The following CTIF variants were observed in gnomAD, a reference collection of about 807,000 sequenced individuals.
The protein encoded by CTIF is cap binding complex dependent translation initiation factor.
In CTIF, 21 loss-of-function variants were observed where a neutral mutation model predicts 66.0. The ratio of observed to expected loss-of-function variants is 0.32; its 90% confidence interval spans 0.23 to 0.46. The LOEUF is 0.46. Among genes scored for constraint, CTIF ranks in the 20% least tolerant of loss-of-function variants. The pLI is 1.00. For missense variants in CTIF, 739 were observed against 812.7 expected (o/e 0.91, Z 1.10); for synonymous variants, 345 against 326.4 (o/e 1.06, Z -0.62).
Position 48,664,500 on chromosome 18 carries a change from G to A in CTIF, c.380G>A (p.Arg127His), listed in dbSNP as rs781346013. 8.7e-6 allele frequency: 14 copies of A among 1,613,228 alleles called. No homozygotes were observed. The Admixed American group carries it at 1.0e-4, about 12-fold the overall frequency. ...AAGCTGGACTTCACCCAGTTCCACC[G>A]CAAAGTCCGACACACGCCCAAGCAG... ...PEKLDFTQFH[R>H]KVRHTPKQPL... The change falls in exon 5 of 12, where the codon CGC (arginine) becomes CAC (histidine). Residue 127 changes from arginine (R) to histidine (H), a missense_variant. Arg to His is a conservative substitution (Grantham distance 29, BLOSUM62 0). This residue lies in a region of CTIF where 529 missense variants were observed against 520.3 expected (regional missense o/e 1.02). Transcript: ENST00000256413.
At chr18:48,794,903 G>A (rs1257460312) in intron 9 of CTIF, among the ~76,000 whole-genome samples, 9 of 152,142 alleles carry the variant, frequency 5.9e-5, no homozygotes, top group Admixed American at 5.9e-4. Context: ...GTGTGTGGAT[G>A]CATGGGTGAT....
At chr18:48,645,523 A>G (rs2091014512) in intron 3 of CTIF, among the ~76,000 whole-genome samples, 1 of 151,878 alleles carries the variant, frequency 6.6e-6, no homozygotes, top group Non-Finnish European at 1.5e-5. Context: ...AGGGGCTCCA[A>G]CCCCCTACCA....
intron 3 of CTIF, among the ~76,000 whole-genome samples, chr18:48,649,089 C>T (rs1266848225): frequency 6.6e-6 from 1 of 152,230 alleles, no homozygotes; most frequent in African/African-American, 2.4e-5. Flanking sequence ...CCTGGTTCAT[C>T]TCACTGGGAC....
At chr18:48,729,870 T>C (rs897105837) in intron 7 of CTIF, among the ~76,000 whole-genome samples, 2 of 152,156 alleles carry the variant, frequency 1.3e-5, no homozygotes, top group African/African-American at 4.8e-5. Context: ...GAGCACCCAG[T>C]GGTGGGACAG....
chr18:48,564,033 A>T (rs999799797), intron 1 of CTIF, among the ~76,000 whole-genome samples: 1 of 152,126 alleles, frequency 6.6e-6, no homozygotes, highest in African/African-American at 2.4e-5. Context: ...GCTGCTCTCT[A>T]TATGGCTGCT....
At chr18:48,602,840 TG>T (rs2090116713) in intron 1 of CTIF, among the ~76,000 whole-genome samples, 3 of 148,918 alleles carry the variant, frequency 2.0e-5, no homozygotes, top group African/African-American at 7.6e-5. Flanking sequence ...AATGGATGGA[TG>T]GATGGATGAA....
intron 9 of CTIF, among the ~76,000 whole-genome samples, chr18:48,797,577 C>G (rs1430307459): frequency 6.6e-6 from 1 of 150,944 alleles, no homozygotes; most frequent in African/African-American, 2.4e-5. Flanking sequence ...TGTGAGTTGA[C>G]TGGGGATTTG....
At chr18:48,594,530 G>A (rs528366293) in intron 1 of CTIF, among the ~76,000 whole-genome samples, 16 of 152,174 alleles carry the variant, frequency 1.1e-4, no homozygotes, top group South Asian at 2.1e-4. Context: ...TTAGGGCAGC[G>A]TAGGGATTTC....
At chr18:48,723,236 A>C (rs1022266757) in intron 7 of CTIF, among the ~76,000 whole-genome samples, 1 of 151,674 alleles carries the variant, frequency 6.6e-6, no homozygotes, top group African/African-American at 2.4e-5. Flanking sequence ...CACCTGATCA[A>C]CTCACATGCA....
intron 1 of CTIF, among the ~76,000 whole-genome samples, chr18:48,583,065 G>A (rs1223310728): frequency 6.6e-6 from 1 of 152,232 alleles, no homozygotes; most frequent in East Asian, 1.9e-4. Context: ...GGGGAGGGAG[G>A]AGGATGATGG....
At chr18:48,763,877 C>G (rs181724018) in intron 9 of CTIF, among the ~76,000 whole-genome samples, 22 of 152,278 alleles carry the variant, frequency 1.4e-4, no homozygotes, top group African/African-American at 4.1e-4. Context: ...TGAGTCCTCA[C>G]AAACCCACTC....
intron 6 of CTIF, among the ~76,000 whole-genome samples, chr18:48,704,101 G>A (rs1049497353): frequency 5.9e-5 from 9 of 152,134 alleles, no homozygotes; most frequent in African/African-American, 7.2e-5. Context: ...GGAGCATGGC[G>A]GAGCACCACG....
intron 10 of CTIF, among the ~76,000 whole-genome samples, chr18:48,823,841 A>G (rs1171507547): frequency 1.3e-5 from 2 of 152,334 alleles, no homozygotes; most frequent in Non-Finnish European, 2.9e-5. Context: ...CTCCTATTCA[A>G]CATAGTACTG....
intron 9 of CTIF, among the ~76,000 whole-genome samples, chr18:48,813,065 C>G (rs943723657): frequency 6.6e-6 from 1 of 151,702 alleles, no homozygotes; most frequent in Non-Finnish European, 1.5e-5. Context: ...CTATTCTGCT[C>G]TCTAGGTGGT....
At chr18:48,556,716 C>A (rs2089030919) in intron 1 of CTIF, among the ~76,000 whole-genome samples, 1 of 152,152 alleles carries the variant, frequency 6.6e-6, no homozygotes, top group African/African-American at 2.4e-5. Flanking sequence ...AGGCACGCAC[C>A]ACCACACCTG....
chr18:48,703,656 A>C (rs988167917), intron 6 of CTIF, among the ~76,000 whole-genome samples: 1 of 152,148 alleles, frequency 6.6e-6, no homozygotes, highest in Non-Finnish European at 1.5e-5. Context: ...TTTTCCTTGA[A>C]GGTTAAGTGG....
In CTIF at chr18:48,787,905, G is replaced by T. The variant is rs958128712; in HGVS notation, c.1371+26216G>T. 2.0e-5 allele frequency among the ~76,000 whole-genome samples: 3 copies of T among 152,334 alleles called. No homozygotes were observed. The East Asian group carries it at 5.8e-4, about 29-fold the overall frequency. On this transcript the variant is annotated intron_variant, in intron 9 of 11. Transcript: ENST00000256413. ...AGAAAGTCTGCTGGCTGTGTCCACAGTGCCAAGGGTTGGAGGTCTGGCAGT... is the reference window on the plus strand; with the variant it reads ...AGAAAGTCTGCTGGCTGTGTCCACATTGCCAAGGGTTGGAGGTCTGGCAGT...
At chr18:48,569,753 C>A (rs1476638749) in intron 1 of CTIF, among the ~76,000 whole-genome samples, 1 of 152,198 alleles carries the variant, frequency 6.6e-6, no homozygotes, top group East Asian at 1.9e-4. Flanking sequence ...AACTTTGCTC[C>A]CCAGTGTCTT....
At chr18:48,698,599 C>G (rs1028468218) in intron 6 of CTIF, among the ~76,000 whole-genome samples, 9 of 152,224 alleles carry the variant, frequency 5.9e-5, no homozygotes, top group Non-Finnish European at 1.2e-4. Context: ...TTTAAAGAAA[C>G]TCTAAGCTTC....
Sources: allele counts gnomAD v4.1 joint callset (sites outside exome capture counted in the v4.1 genomes callset), GRCh38; gene constraint gnomAD v4.1.1; regional missense constraint gnomAD v4.1.1; transcripts MANE v1.5; gene names NCBI Gene and HGNC (gene_info 2026-07-23, HGNC 2026-07-21).